Variants in TMTC2 observed in about 807,000 individuals in gnomAD.
TMTC2 encodes the protein transmembrane O-mannosyltransferase targeting cadherins 2.
TMTC2 carries 43 observed loss-of-function variants against 82.4 expected under a neutral mutation model. The ratio of observed to expected loss-of-function variants is 0.52; its 90% CI spans 0.41 to 0.67. The LOEUF is 0.67. Ranked by LOEUF, TMTC2 falls within the 30% of genes least tolerant of loss-of-function variation. The pLI is 0.00. For synonymous variants in TMTC2, 408 were observed against 381.9 expected, an observed-to-expected ratio of 1.07 and a Z score of -0.80; for missense variants, 919 against 1,012.4, an observed-to-expected ratio of 0.91 and a Z score of 1.25.
intron 1 of TMTC2, among the ~76,000 whole-genome samples, chr12:82,696,189 T>C (rs905403936): frequency 1.3e-5 from 2 of 152,166 alleles, no homozygotes; most frequent in African/African-American, 4.8e-5. Flanking sequence ...AGAAGCTTAA[T>C]CAGGCAAAAA....
At chr12:83,112,760 AT>A (rs1208111681) in intron 11 of TMTC2, among the ~76,000 whole-genome samples, 1 of 152,202 alleles carries the variant, frequency 6.6e-6, no homozygotes, top group African/African-American at 2.4e-5. Flanking sequence ...TCAGACGTGA[AT>A]CATAGGCAGA....
intron 11 of TMTC2, among the ~76,000 whole-genome samples, chr12:83,083,495 T>G (rs1218578023): frequency 6.6e-6 from 1 of 152,170 alleles, no homozygotes; most frequent in Non-Finnish European, 1.5e-5. Context: ...GTCTGTGTAT[T>G]TCTTTACATA....
At chr12:83,007,203 A>G (rs1880245094) in intron 8 of TMTC2, among the ~76,000 whole-genome samples, 1 of 149,910 alleles carries the variant, frequency 6.7e-6, no homozygotes, top group African/African-American at 2.5e-5. Context: ...TTCTGTTCTA[A>G]TCTTTATTGT....
At chr12:82,860,672 G>A (rs1028735806) in intron 2 of TMTC2, among the ~76,000 whole-genome samples, 2 of 152,206 alleles carry the variant, frequency 1.3e-5, no homozygotes, top group African/African-American at 4.8e-5. Context: ...ATTAGTTGAA[G>A]TGAAAGAAGA....
chr12:83,055,705 GGTGTGTGTGTGT>G (rs58129444), intron 10 of TMTC2, among the ~76,000 whole-genome samples: 3 of 147,874 alleles, frequency 2.0e-5, no homozygotes, highest in Non-Finnish European at 3.0e-5. Flanking sequence ...TAGTGGAAGG[GGTGTGTGTGTGT>G]GTGTGTGTGT....
In TMTC2 at chr12:83,043,185, A is replaced by G. The variant is rs548045376; in HGVS notation, c.2153-7719A>G. Among the ~76,000 whole-genome samples, 61 of 152,316 alleles carry G rather than the reference A, an allele frequency of 4.0e-4. 3 individuals carry two copies. The South Asian group carries it at 0.011, about 27-fold the overall frequency. ...AGCAAGGCTCCTTTCAGAGAGGCAG[A>G]AAGAGAAGAACCCCCTCTGTATTTT... On this transcript the variant is annotated intron_variant, in intron 9 of 11. Coordinates refer to ENST00000321196, the MANE Select transcript of TMTC2 (RefSeq NM_152588.3).
chr12:83,089,758 G>A (rs1883778447), intron 11 of TMTC2, among the ~76,000 whole-genome samples: 1 of 150,978 alleles, frequency 6.6e-6, no homozygotes, highest in Non-Finnish European at 1.5e-5. Flanking sequence ...TCTCGCATAA[G>A]CCATGCCCTT....
chr12:82,946,749 T>TC (rs1489441898), intron 4 of TMTC2, among the ~76,000 whole-genome samples: 3 of 149,688 alleles, frequency 2.0e-5, no homozygotes, highest in South Asian at 2.1e-4. Context: ...TCTTTTCTTT[T>TC]TTTTTTTTTT....
intron 7 of TMTC2, among the ~76,000 whole-genome samples, chr12:82,975,444 A>C (rs1414166687): frequency 2.0e-5 from 3 of 152,200 alleles, no homozygotes; most frequent in Non-Finnish European, 4.4e-5. Context: ...ATTCAAATTA[A>C]ACAAAGAATG....
At chr12:82,936,237 G>C (rs1039436798) in intron 4 of TMTC2, among the ~76,000 whole-genome samples, 3 of 151,952 alleles carry the variant, frequency 2.0e-5, no homozygotes, top group African/African-American at 7.2e-5. Flanking sequence ...GAATTATCTC[G>C]ACAAGGAACT....
chr12:83,039,727 A>G (rs1881816812), intron 9 of TMTC2, among the ~76,000 whole-genome samples: 1 of 152,184 alleles, frequency 6.6e-6, no homozygotes, highest in African/African-American at 2.4e-5. Context: ...ATCATCTCTT[A>G]TGTCAACGTA....
intron 8 of TMTC2, among the ~76,000 whole-genome samples, chr12:82,996,795 C>A (rs1592682011): frequency 6.6e-6 from 1 of 152,216 alleles, no homozygotes; most frequent in East Asian, 1.9e-4. Context: ...AAGATATCAT[C>A]TATTTTATAG....
chr12:82,766,632 A>G (rs551442086), intron 1 of TMTC2, among the ~76,000 whole-genome samples: 1 of 152,352 alleles, frequency 6.6e-6, no homozygotes, highest in South Asian at 2.1e-4. Flanking sequence ...AGTCCGACGA[A>G]AATGCCAAAT....
Position 82,703,500 on chromosome 12 carries a change from T to A in TMTC2, c.83+15831T>A, listed in dbSNP as rs947302304. Among the ~76,000 whole-genome samples, 555 of 110,094 alleles carry A rather than the reference T, an allele frequency of 5.0e-3. 3 individuals are homozygous for A. Among genetic ancestry groups the A allele is most frequent in the African/African-American group, 0.017 (490 of 28,720 alleles). The allele number at this position is 110,094 out of a possible 152,430, so 72.2% of individuals were successfully genotyped here. A position where few individuals can be genotyped will look rare whatever the true frequency, so the allele number is the denominator to read the frequency against. On this transcript the variant is annotated intron_variant, in intron 1 of 11. Transcript: ENST00000321196. ...AATGGAAGATAGATAGTTTCTTTCT[T>A]TTTTTTTTTTTTTTTTGAGACAGAG...
At chr12:83,103,626 C>T (rs2137536130) in intron 11 of TMTC2, among the ~76,000 whole-genome samples, 1 of 152,274 alleles carries the variant, frequency 6.6e-6, no homozygotes, top group Middle Eastern at 3.4e-3. Context: ...CCACTTCCAA[C>T]ATTGGGGATT....
At chr12:82,955,575 G>A (rs1210297361) in intron 4 of TMTC2, among the ~76,000 whole-genome samples, 1 of 152,118 alleles carries the variant, frequency 6.6e-6, no homozygotes, top group Non-Finnish European at 1.5e-5. Context: ...AACATGTGAT[G>A]ATGATCAGGG....
chr12:82,807,489 C>A (rs1879299361), intron 1 of TMTC2, among the ~76,000 whole-genome samples: 1 of 152,072 alleles, frequency 6.6e-6, no homozygotes, highest in Admixed American at 6.6e-5. Context: ...GTGTAAGTTT[C>A]TTCTGTGTCT....
chr12:82,914,202 T>A (rs762556601), intron 3 of TMTC2, among the ~76,000 whole-genome samples: 1 of 152,228 alleles, frequency 6.6e-6, no homozygotes, highest in Non-Finnish European at 1.5e-5. Context: ...GCAAAGATAA[T>A]TGATATTTTA....
intron 3 of TMTC2, among the ~76,000 whole-genome samples, chr12:82,905,068 A>G (rs944307155): frequency 6.6e-6 from 1 of 151,572 alleles, no homozygotes; most frequent in African/African-American, 2.4e-5. Flanking sequence ...GTAGGGGTCA[A>G]TAAATATACA....
Sources: allele counts gnomAD v4.1 joint callset (sites outside exome capture counted in the v4.1 genomes callset), GRCh38; gene constraint gnomAD v4.1.1; transcripts MANE v1.5; gene names NCBI Gene and HGNC (gene_info 2026-07-23, HGNC 2026-07-21).